The following FAF1 variants were observed in gnomAD, a reference collection of about 807,000 sequenced individuals.
FAF1 encodes Fas associated factor 1, also known as FAS-associated factor 1.
A neutral mutation model predicts 92.5 loss-of-function variants in FAF1; 25 were observed. The ratio of observed to expected loss-of-function variants is 0.27; its 90% CI spans 0.20 to 0.38. The LOEUF (loss-of-function observed/expected upper bound fraction) is 0.38, where lower values mean the gene tolerates loss of function less well. Among genes scored for constraint, FAF1 ranks in the 10% least tolerant of loss-of-function variants. The pLI is 1.00. For synonymous variants in FAF1, 234 were observed against 273.2 expected (o/e 0.86, Z 1.42); for missense variants, 636 against 793.3 (o/e 0.80, Z 2.38).
intron 2 of FAF1, among the ~76,000 whole-genome samples, chr1:50,803,909 G>A (rs1483662904): frequency 6.6e-6 from 1 of 152,132 alleles, no homozygotes; most frequent in Non-Finnish European, 1.5e-5. Flanking sequence ...TTTGGTAAAG[G>A]AATAGAGAAT....
chr1:50,677,018 G>T (rs558785981), intron 7 of FAF1, among the ~76,000 whole-genome samples: 2 of 152,130 alleles, frequency 1.3e-5, no homozygotes, highest in African/African-American at 4.8e-5. Flanking sequence ...TGTGAATTGG[G>T]TGTTTTAGTA....
At position 50,872,733 on chromosome 1, in the gene FAF1, C is replaced by T. The variant is rs560482601; in HGVS notation, c.46-14736G>A. On this transcript the variant is annotated intron_variant, in intron 1 of 18. Coordinates refer to ENST00000396153, the MANE Select transcript of FAF1 (RefSeq NM_007051.3). ...CCAACATGGTGAAACCCTATCTCTA[C>T]TAAAAATACAAAAAAAAGTAGCTGG... Among the ~76,000 whole-genome samples the T allele has an allele frequency of 2.5e-3, 374 of 152,112 alleles. 3 individuals are homozygous for T. Among genetic ancestry groups the T allele is most frequent in the African/African-American group, 8.6e-3 (355 of 41,476 alleles).
chr1:50,888,086 T>C (rs1274307990), intron 1 of FAF1, among the ~76,000 whole-genome samples: 1 of 152,230 alleles, frequency 6.6e-6, no homozygotes, highest in Non-Finnish European at 1.5e-5. Flanking sequence ...CTTGAAGAGG[T>C]CCTTCACGTC....
At chr1:50,518,667 C>T (rs1647329905) in intron 15 of FAF1, among the ~76,000 whole-genome samples, 1 of 152,084 alleles carries the variant, frequency 6.6e-6, no homozygotes, top group African/African-American at 2.4e-5. Context: ...GTCTCAATCT[C>T]CTGACCTTGT....
At chr1:50,755,384 G>C (rs749092140) in intron 4 of FAF1, among the ~76,000 whole-genome samples, 4 of 152,228 alleles carry the variant, frequency 2.6e-5, no homozygotes, top group African/African-American at 7.2e-5. Flanking sequence ...CTCACATCTA[G>C]GTCACATTGA....
At chr1:50,927,295 T>C (rs1303999209) in intron 1 of FAF1, among the ~76,000 whole-genome samples, 4 of 152,142 alleles carry the variant, frequency 2.6e-5, no homozygotes, top group African/African-American at 9.7e-5. Flanking sequence ...GCTTACTGCA[T>C]GGGGACCAAG....
chr1:50,741,092 G>A (rs370146036), intron 5 of FAF1, among the ~76,000 whole-genome samples: 2 of 152,148 alleles, frequency 1.3e-5, no homozygotes, highest in East Asian at 3.8e-4. Context: ...TTAAATATAC[G>A]ATGATGAAAG....
chr1:50,594,625 C>CGGGGGGG (rs1335019305), intron 9 of FAF1, among the ~76,000 whole-genome samples: 4 of 13,304 alleles, frequency 3.0e-4, no homozygotes, highest in South Asian at 2.6e-3. Flanking sequence ...TTTGGGAGGC[C>CGGGGGGG]GGGGGGGGTG....
At chr1:50,886,703 T>G (rs995365177) in intron 1 of FAF1, among the ~76,000 whole-genome samples, 1 of 152,212 alleles carries the variant, frequency 6.6e-6, no homozygotes, top group African/African-American at 2.4e-5. Flanking sequence ...ACAAAGGACA[T>G]GAACTCATCC....
chr1:50,953,334 T>C (rs1645235819), intron 1 of FAF1, among the ~76,000 whole-genome samples: 1 of 151,882 alleles, frequency 6.6e-6, no homozygotes, highest in Admixed American at 6.6e-5. Context: ...CCCTCCACTA[T>C]TGTCCTATGA....
chr1:50,484,367 GA>G (rs1354668696), intron 17 of FAF1, among the ~76,000 whole-genome samples: 1 of 152,172 alleles, frequency 6.6e-6, no homozygotes, highest in Non-Finnish European at 1.5e-5. Context: ...CATGAAGCTA[GA>G]ATTTCTGGAC....
chr1:50,957,894 C>A (rs1027328743), intron 1 of FAF1, among the ~76,000 whole-genome samples: 1 of 152,116 alleles, frequency 6.6e-6, no homozygotes, highest in Admixed American at 6.5e-5. Context: ...TTTTGTAACA[C>A]GGTAAAACTA....
At chr1:50,578,528 T>C (rs1258283245) in intron 12 of FAF1, among the ~76,000 whole-genome samples, 2 of 152,214 alleles carry the variant, frequency 1.3e-5, no homozygotes, top group Admixed American at 1.3e-4. Context: ...TGTGGTGGGA[T>C]AGTGTAAACC....
chr1:50,901,971 T>C (rs1419968671), intron 1 of FAF1, among the ~76,000 whole-genome samples: 1 of 152,206 alleles, frequency 6.6e-6, no homozygotes. Flanking sequence ...TTGCACACTG[T>C]AAACCATCTC....
chr1:50,619,811 T>C (rs906364762), intron 8 of FAF1, among the ~76,000 whole-genome samples: 2 of 152,192 alleles, frequency 1.3e-5, no homozygotes, highest in African/African-American at 4.8e-5. Flanking sequence ...TAGGGAAATT[T>C]TCATGGACTA....
intron 2 of FAF1, among the ~76,000 whole-genome samples, chr1:50,840,500 A>T (rs752181454): frequency 1.3e-5 from 2 of 152,048 alleles, no homozygotes; most frequent in Non-Finnish European, 2.9e-5. Context: ...AGGAAGATTT[A>T]TAAGGAATCT....
intron 1 of FAF1, among the ~76,000 whole-genome samples, chr1:50,906,416 A>G (rs1240482393): frequency 2.6e-5 from 4 of 152,144 alleles, no homozygotes; most frequent in Non-Finnish European, 4.4e-5. Context: ...TTCTGTGAAG[A>G]AAGTCATTGG....
At chr1:50,562,779 T>C (rs921870676) in intron 13 of FAF1, among the ~76,000 whole-genome samples, 7 of 152,252 alleles carry the variant, frequency 4.6e-5, no homozygotes, top group Non-Finnish European at 5.9e-5. Context: ...GCACCATTCC[T>C]GGTTCATATT....
chr1:50,865,426 T>G (rs920277170), intron 1 of FAF1, among the ~76,000 whole-genome samples: 21 of 147,136 alleles, frequency 1.4e-4, no homozygotes, highest in African/African-American at 5.1e-4. Flanking sequence ...TAGCAAAGAC[T>G]TGGAACCAAC....
Sources: gnomAD v4.1 joint callset for allele counts (sites outside exome capture counted in the v4.1 genomes callset) on GRCh38, gnomAD v4.1.1 for gene constraint, MANE v1.5 for transcripts, NCBI Gene and HGNC (gene_info 2026-07-23, HGNC 2026-07-21) for gene names.